The following MCTP1 variants were observed in gnomAD, a reference collection of about 807,000 sequenced individuals.
MCTP1 encodes the protein multiple C2 and transmembrane domain-containing protein 1.
MCTP1 carries 69 observed loss-of-function variants against 120.6 expected under a neutral mutation model. That is an observed-to-expected ratio of 0.57 (90% CI 0.47 to 0.70). The LOEUF is 0.70. Among genes scored for constraint, MCTP1 ranks in the 30% least tolerant of loss-of-function variants. The pLI is 0.00. For missense variants in MCTP1, 1,203 were observed against 1,248.8 expected (o/e 0.96, Z 0.55); for synonymous variants, 529 against 493.1 (o/e 1.07, Z -0.96).
At chr5:95,008,964 G>A (rs537422273) in intron 2 of MCTP1, among the ~76,000 whole-genome samples, 2 of 152,068 alleles carry the variant, frequency 1.3e-5, no homozygotes, top group African/African-American at 4.8e-5. Flanking sequence ...AGGAGTCTGA[G>A]GCTGCAATGA....
chr5:95,050,649 C>T (rs913634872), intron 1 of MCTP1, among the ~76,000 whole-genome samples: 3 of 152,190 alleles, frequency 2.0e-5, no homozygotes, highest in African/African-American at 7.2e-5. Context: ...CCAGGATCTT[C>T]CCATAAAGTT....
intron 1 of MCTP1, among the ~76,000 whole-genome samples, chr5:95,060,927 G>A (rs1391397097): frequency 7.8e-6 from 1 of 127,838 alleles, no homozygotes; most frequent in African/African-American, 2.9e-5. Flanking sequence ...TGGGCAGAGA[G>A]CATGCCACTC....
intron 1 of MCTP1, among the ~76,000 whole-genome samples, chr5:95,203,415 C>G (rs1384017424): frequency 6.6e-6 from 1 of 152,126 alleles, no homozygotes; most frequent in Non-Finnish European, 1.5e-5. Context: ...TGAGATGAGA[C>G]CCTTGTGAAT....
chr5:94,707,307 A>C lies in MCTP1; in HGVS notation c.*189T>G. ...CACAGCAGTAGCAAAACCTTTATCA[A>C]GTTGAGTCTGTACAATAGAAGTATA... On this transcript the variant is annotated 3_prime_UTR_variant, in exon 23 of 23. Coordinates refer to ENST00000515393, the MANE Select transcript of MCTP1 (RefSeq NM_024717.7). 2.0e-6 allele frequency: 1 copy of C among 511,834 alleles called. No individual in the cohort carries two copies. Among genetic ancestry groups the C allele is most frequent in the Non-Finnish European group, 3.5e-6 (1 of 288,378 alleles). The allele number at this position is 511,834 out of a possible 1,614,324, so 31.7% of individuals were successfully genotyped here.
intron 7 of MCTP1, among the ~76,000 whole-genome samples, chr5:94,919,640 A>G (rs894575590): frequency 6.6e-6 from 1 of 152,168 alleles, no homozygotes; most frequent in Non-Finnish European, 1.5e-5. Context: ...TATTTAATCA[A>G]ATGATCCCCG....
chr5:94,804,124 C>T (rs773839866), intron 17 of MCTP1, among the ~76,000 whole-genome samples: 1 of 152,160 alleles, frequency 6.6e-6, no homozygotes, highest in Non-Finnish European at 1.5e-5. Flanking sequence ...TTGCTTTAAG[C>T]TACTAATTGT....
At chr5:94,719,917 G>T (rs1449976485) in intron 19 of MCTP1, among the ~76,000 whole-genome samples, 2 of 152,128 alleles carry the variant, frequency 1.3e-5, no homozygotes, top group African/African-American at 2.4e-5. Flanking sequence ...ATCACCTGGG[G>T]TCAGGTGTTC....
chr5:95,064,047 C>T (rs1749964104), intron 1 of MCTP1, among the ~76,000 whole-genome samples: 1 of 152,208 alleles, frequency 6.6e-6, no homozygotes, highest in South Asian at 2.1e-4. Flanking sequence ...TGCTTTAGCA[C>T]TAAATGCACG....
chr5:94,826,164 G>C (rs942978141), intron 17 of MCTP1: 6 of 374,206 alleles, frequency 1.6e-5, no homozygotes, highest in African/African-American at 8.4e-5. Context: ...TATTTACCAA[G>C]AGATCGAGCA....
At chr5:94,936,288 G>A (rs896825653) in intron 5 of MCTP1, among the ~76,000 whole-genome samples, 6 of 151,902 alleles carry the variant, frequency 3.9e-5, no homozygotes, top group Admixed American at 2.6e-4. Flanking sequence ...TCATAAGGAA[G>A]ACTTTATGTA....
intron 17 of MCTP1, among the ~76,000 whole-genome samples, chr5:94,856,156 G>T (rs1394332805): frequency 6.6e-6 from 1 of 151,632 alleles, no homozygotes; most frequent in African/African-American, 2.4e-5. Context: ...CATAATCCCT[G>T]TGCTAACAGT....
At chr5:94,964,764 T>C (rs1476900489) in intron 2 of MCTP1, among the ~76,000 whole-genome samples, 5 of 152,216 alleles carry the variant, frequency 3.3e-5, no homozygotes, top group African/African-American at 1.2e-4. Flanking sequence ...GTAGGTGGTA[T>C]ATAGTTGAGT....
chr5:95,074,395 C>CATCTCAAAG (rs1753029069), intron 1 of MCTP1, among the ~76,000 whole-genome samples: 1 of 152,190 alleles, frequency 6.6e-6, no homozygotes, highest in African/African-American at 2.4e-5. Flanking sequence ...CTGGCAACTC[C>CATCTCAAAG]TAGGGCATTA....
chr5:94,966,174 A>G (rs905457541), intron 2 of MCTP1, among the ~76,000 whole-genome samples: 1 of 152,186 alleles, frequency 6.6e-6, no homozygotes, highest in African/African-American at 2.4e-5. Flanking sequence ...TATCGTAACA[A>G]TTAAGCTAAT....
intron 17 of MCTP1, among the ~76,000 whole-genome samples, chr5:94,854,514 T>C (rs1051365679): frequency 1.3e-5 from 2 of 151,898 alleles, no homozygotes; most frequent in East Asian, 1.9e-4. Flanking sequence ...ATGGCTAAGA[T>C]GTTTGATTAC....
At chr5:94,720,985 G>T (rs1384977456) in intron 19 of MCTP1, among the ~76,000 whole-genome samples, 2 of 152,124 alleles carry the variant, frequency 1.3e-5, no homozygotes, top group Non-Finnish European at 2.9e-5. Context: ...ACAGAACTTG[G>T]GTTGGGACAA....
chr5:95,081,247 A>G (rs79311411), intron 1 of MCTP1, among the ~76,000 whole-genome samples: 12,247 of 152,246 alleles, frequency 0.08, 1,674 homozygotes, highest in African/African-American at 0.28. Context: ...TCAATGTATT[A>G]CACTATGTAT....
chr5:94,997,311 C>A (rs1308810115), intron 2 of MCTP1, among the ~76,000 whole-genome samples: 4 of 152,128 alleles, frequency 2.6e-5, no homozygotes, highest in Non-Finnish European at 5.9e-5. Context: ...ACAAAAATTT[C>A]TTCCAAAAGA....
intron 19 of MCTP1, among the ~76,000 whole-genome samples, chr5:94,725,298 T>C (rs1296791660): frequency 6.6e-6 from 1 of 152,236 alleles, no homozygotes; most frequent in Non-Finnish European, 1.5e-5. Context: ...GTCTCTGCCC[T>C]TCAGAGTCCA....
Sources: gnomAD v4.1 joint callset for allele counts (sites outside exome capture counted in the v4.1 genomes callset) on GRCh38, gnomAD v4.1.1 for gene constraint, MANE v1.5 for transcripts, NCBI Gene and HGNC (gene_info 2026-07-23, HGNC 2026-07-21) for gene names.